Variants in NRSN1 observed in about 807,000 individuals in gnomAD.
NRSN1 encodes neurensin-1.
In NRSN1, 14 loss-of-function variants were observed where a neutral mutation model predicts 17.3. The observed-to-expected ratio is 0.81, with a 90% CI of 0.54 to 1.27. The LOEUF (loss-of-function observed/expected upper bound fraction) is 1.27. NRSN1 is among the 50% of genes most tolerant of loss of function. NRSN1 has a pLI of 0.00. For missense variants in NRSN1, 209 were observed against 235.9 expected, an observed-to-expected ratio of 0.89 and a Z score of 0.75; for synonymous variants, 79 against 94.2, an observed-to-expected ratio of 0.84 and a Z score of 0.93.
At chr6:24,132,614 C>T (rs1237422494) in intron 2 of NRSN1, among the ~76,000 whole-genome samples, 1 of 152,166 alleles carries the variant, frequency 6.6e-6, no homozygotes, top group Non-Finnish European at 1.5e-5. Context: ...TATATTCAAA[C>T]AGTGTGGCAG....
At chr6:24,127,544 T>A (rs923601852) in intron 1 of NRSN1, among the ~76,000 whole-genome samples, 1 of 152,226 alleles carries the variant, frequency 6.6e-6, no homozygotes, top group Non-Finnish European at 1.5e-5. Flanking sequence ...AAATTTTGCA[T>A]GGGCACCTGC....
At position 24,128,130 on chromosome 6, in the gene NRSN1, T is replaced by C. The variant is rs979022935; in HGVS notation, c.-80T>C. 6.6e-6 allele frequency: 1 copy of C among 152,156 alleles called. No homozygotes were observed. The highest frequency in any genetic ancestry group is 2.4e-5 in the African/African-American group (1 of 41,444). 9.4% of individuals were successfully genotyped at this position (152,156 alleles called of 1,614,324 possible). A position where few individuals can be genotyped will look rare whatever the true frequency, so the allele number is the denominator to read the frequency against. ...GCAGAGACTTTTTTCTTAAATAGGA[T>C]TGAAGAATGCGCCATTAAAAGGAAA... On this transcript the variant is annotated splice_region_variant and 5_prime_UTR_variant, in exon 2 of 4. Transcript: ENST00000378491.
chr6:24,143,973 G>A (rs753317719), intron 3 of NRSN1, among the ~76,000 whole-genome samples: 10 of 152,106 alleles, frequency 6.6e-5, no homozygotes, highest in South Asian at 6.2e-4. Flanking sequence ...TGGTAGAATC[G>A]AAGCATGCGT....
rs1339569884 is a variant in NRSN1 at position 24,145,816 on chromosome 6, A to G, written c.458A>G (p.Lys153Arg). The G allele has an allele frequency of 6.2e-7, 1 of 1,614,178 alleles. No individual in the cohort carries two copies. The highest frequency in any genetic ancestry group is 8.5e-7 in the Non-Finnish European group (1 of 1,180,044). The change falls in exon 4 of 4, where the codon AAG becomes AGG. Residue 153 changes from lysine (K) to arginine (R), a missense_variant. Lys to Arg is a conservative substitution (Grantham distance 26). Transcript: ENST00000378491. This position sits in a 1 kb window ranked among gnomAD's most constrained non-coding sequence, Gnocchi z 4.4. ...YSKEEKFLQQ[K>R]FKERIADIKA... is the part of the protein sequence containing the mutation. ...AAAGAAGAAAAATTCCTCCAGCAGA[A>G]GTTTAAAGAACGAATCGCAGACATC... is the stretch of plus-strand genomic sequence containing the variant.
intron 3 of NRSN1, among the ~76,000 whole-genome samples, chr6:24,144,804 G>A (rs77923091): frequency 0.014 from 2,142 of 151,922 alleles, 33 homozygotes; most frequent in African/African-American, 0.035. Context: ...GATGGTGCCT[G>A]GCAGAACAGC....
intron 2 of NRSN1, 113 bp downstream of exon 2, chr6:24,128,313 T>G (rs2113710373): frequency 6.6e-6 from 1 of 152,326 alleles, no homozygotes; most frequent in East Asian, 1.9e-4. Flanking sequence ...CTTTGGATTT[T>G]ATGTACCTTT....
intron 3 of NRSN1, among the ~76,000 whole-genome samples, chr6:24,144,025 C>T (rs1410145874): frequency 6.6e-6 from 1 of 152,194 alleles, no homozygotes; most frequent in Non-Finnish European, 1.5e-5. Flanking sequence ...CCAAATGGTA[C>T]ATCATTTCCA....
At chr6:24,134,004 T>TTGTGTGTGTGTG (rs71002461) in intron 2 of NRSN1, among the ~76,000 whole-genome samples, 21,505 of 132,566 alleles carry the variant, frequency 0.16, 2,000 homozygotes, top group East Asian at 0.34. Flanking sequence ...ACCCAGCTAA[T>TTGTGTGTGTGTG]TGTGTGTGTG....
intron 2 of NRSN1, among the ~76,000 whole-genome samples, chr6:24,130,067 T>A (rs1273009945): frequency 6.6e-6 from 1 of 152,186 alleles, no homozygotes; most frequent in African/African-American, 2.4e-5. Flanking sequence ...ATCCCCTCTA[T>A]CCATGTACCT....
chr6:24,134,548 A>T, intron 3 of NRSN1, 32 bp downstream of exon 3: 1 of 1,584,226 alleles, frequency 6.3e-7, no homozygotes, highest in African/African-American at 1.3e-5. Flanking sequence ...AACTTAGGGA[A>T]TGGAAAAATT....
At position 24,132,212 on chromosome 6, in the gene NRSN1, A is replaced by G. The variant is rs566079254; in HGVS notation, c.-9-2107A>G. Among the ~76,000 whole-genome samples, 3 of 152,324 alleles carry G rather than the reference A, an allele frequency of 2.0e-5. No individual in the cohort carries two copies. The South Asian group carries it at 6.2e-4, about 32-fold the overall frequency. ...TGTAGCTAAGGGCACATATTTAAAG[A>G]TGTGCTAATGGGTTTACTTTGTGCC... is the stretch of plus-strand genomic sequence containing the variant. On this transcript the variant is annotated intron_variant, in intron 2 of 3. Coordinates refer to ENST00000378491, the MANE Select transcript of NRSN1 (RefSeq NM_080723.5).
intron 3 of NRSN1, among the ~76,000 whole-genome samples, chr6:24,134,955 C>G (rs1393350816): frequency 3.9e-5 from 6 of 152,160 alleles, no homozygotes; most frequent in Non-Finnish European, 7.3e-5. Flanking sequence ...GGTCAGTATA[C>G]CAGCTCCGTC....
intron 2 of NRSN1, among the ~76,000 whole-genome samples, chr6:24,131,558 T>G (rs548188043): frequency 6.6e-6 from 1 of 152,336 alleles, no homozygotes; most frequent in East Asian, 1.9e-4. Context: ...ATTGTCATCT[T>G]TCATCTGTTC....
chr6:24,131,721 T>C (rs1420060768), intron 2 of NRSN1, among the ~76,000 whole-genome samples: 12 of 152,212 alleles, frequency 7.9e-5, no homozygotes, highest in Non-Finnish European at 2.9e-5. Flanking sequence ...ATGCCACTTA[T>C]ATACCAATGG....
intron 3 of NRSN1, chr6:24,141,038 C>A: frequency 2.7e-6 from 4 of 1,475,388 alleles, no homozygotes; most frequent in Non-Finnish European, 3.6e-6. Context: ...AGAGGCCCTT[C>A]TCTGTCGCCA....
rs1554140179 is a variant in NRSN1 at position 24,134,042 on chromosome 6, T to TGTGTGTGTGTG, written c.-9-277_-9-276insGTGTGTGTGTG. On this transcript the variant is annotated intron_variant, in intron 2 of 3. Coordinates refer to ENST00000378491, the MANE Select transcript of NRSN1 (RefSeq NM_080723.5). Reference sequence around the variant, plus strand: ...TGTGTGTGTGTGTGTGTGTGTGTGTTTTTAGTAGAGACAGGGTTTCACCGT... The same window carrying TGTGTGTGTGTG: ...TGTGTGTGTGTGTGTGTGTGTGTGTTGTGTGTGTGTGTTTAGTAGAGACAGGGTTTCACCGT... Among the ~76,000 whole-genome samples, 21 of 47,234 alleles carry TGTGTGTGTGTG rather than the reference T, an allele frequency of 4.4e-4. No homozygotes were observed. The East Asian group carries it at 6.8e-3, about 15-fold the overall frequency. The allele number at this position is 47,234 out of a possible 152,430, so 31.0% of individuals were successfully genotyped here. A position where few individuals can be genotyped will look rare whatever the true frequency, so the allele number is the denominator to read the frequency against.
chr6:24,142,490 C>T (rs1205690212), intron 3 of NRSN1, among the ~76,000 whole-genome samples: 2 of 152,038 alleles, frequency 1.3e-5, no homozygotes, highest in Non-Finnish European at 2.9e-5. Context: ...CAGAGTCTCA[C>T]TCTTGTTGCC....
intron 1 of NRSN1, 25 bp from the exon 2 acceptor site, chr6:24,128,103 C>A (rs1759977116): frequency 6.6e-6 from 1 of 152,124 alleles, no homozygotes; most frequent in Non-Finnish European, 1.5e-5. Context: ...GGATTACATT[C>A]TGCAGAGACT....
intron 2 of NRSN1, chr6:24,129,394 G>A (rs1376857065): frequency 3.3e-5 from 5 of 152,288 alleles, no homozygotes; most frequent in South Asian, 2.1e-4. Context: ...ACCAACCCAC[G>A]TAGAACTCTG....
Sources: gnomAD v4.1 joint callset for allele counts (sites outside exome capture counted in the v4.1 genomes callset) on GRCh38, gnomAD v4.1.1 for gene constraint, Gnocchi (gnomAD v3.1) non-coding constraint, MANE v1.5 for transcripts, NCBI Gene and HGNC (gene_info 2026-07-23, HGNC 2026-07-21) for gene names.